The following ETV5 variants were observed in gnomAD, a reference collection of about 807,000 sequenced individuals.
The protein encoded by ETV5 is ETS translocation variant 5.
ETV5 carries 10 observed loss-of-function variants against 70.0 expected under a neutral mutation model. That is an observed-to-expected ratio of 0.14 (90% confidence interval 0.09 to 0.24). The LOEUF (loss-of-function observed/expected upper bound fraction) is 0.24, where lower values mean the gene tolerates loss of function less well. Ranked by LOEUF, ETV5 falls within the 10% of genes least tolerant of loss-of-function variation. ETV5 has a pLI of 1.00. For synonymous variants in ETV5, 216 were observed against 242.2 expected (o/e 0.89, Z 1.01); for missense variants, 453 against 651.2 (o/e 0.70, Z 3.31).
At chr3:186,056,943 A>G (rs1188451780) in intron 11 of ETV5, 132 bp downstream of exon 11, 6 of 1,014,310 alleles carry the variant, frequency 5.9e-6, no homozygotes, top group Non-Finnish European at 8.5e-6. Context: ...AGCCAAGCCC[A>G]CTGGCCAGGC....
intron 7 of ETV5, among the ~76,000 whole-genome samples, chr3:186,070,927 C>T (rs911865753): frequency 1.3e-5 from 2 of 152,188 alleles, no homozygotes; most frequent in South Asian, 4.1e-4. Flanking sequence ...ACAGAGTGCA[C>T]GTGTAAGGAA....
chr3:186,096,496 C>T (rs1286891050), intron 5 of ETV5, among the ~76,000 whole-genome samples: 1 of 152,066 alleles, frequency 6.6e-6, no homozygotes, highest in Non-Finnish European at 1.5e-5. Context: ...TATCAGCAAC[C>T]TCCTACACAG....
At chr3:186,064,150 A>T (rs1488713372) in intron 9 of ETV5, 1 of 474,354 alleles carries the variant, frequency 2.1e-6, no homozygotes, top group African/African-American at 1.9e-5. Context: ...TGAAAATGGC[A>T]GCCCTCACAG....
intron 1 of ETV5, among the ~76,000 whole-genome samples, chr3:186,107,884 TG>T (rs1714629755): frequency 6.6e-6 from 1 of 151,780 alleles, no homozygotes; most frequent in Non-Finnish European, 1.5e-5. Context: ...TCCCCATTCA[TG>T]AAAACTCCTT....
intron 7 of ETV5, among the ~76,000 whole-genome samples, chr3:186,068,080 G>A (rs1318147524): frequency 6.6e-6 from 1 of 152,228 alleles, no homozygotes; most frequent in Non-Finnish European, 1.5e-5. Context: ...TAGCTTGGAA[G>A]ATGAGCAGGC....
At chr3:186,078,382 G>C (rs2150148745) in intron 7 of ETV5, among the ~76,000 whole-genome samples, 1 of 152,210 alleles carries the variant, frequency 6.6e-6, no homozygotes, top group Admixed American at 6.5e-5. Context: ...AAATCAGCAA[G>C]ATGCTGTTTA....
At chr3:186,075,921 G>T (rs568819834) in intron 7 of ETV5, among the ~76,000 whole-genome samples, 1 of 152,274 alleles carries the variant, frequency 6.6e-6, no homozygotes, top group East Asian at 1.9e-4. Context: ...GAATTGCAGG[G>T]CTTTCCTCAA....
chr3:186,056,642 A>C (rs1333243467), intron 11 of ETV5, among the ~76,000 whole-genome samples: 1 of 152,234 alleles, frequency 6.6e-6, no homozygotes, highest in Non-Finnish European at 1.5e-5. Context: ...TGAAATACAC[A>C]GTGGGTAGTT....
In ETV5 at chr3:186,081,132, C is replaced by T; in HGVS notation, c.276G>A (p.Leu92=). 1 of 1,613,522 alleles carries T rather than the reference C, an allele frequency of 6.2e-7. No homozygotes were observed. The highest frequency in any genetic ancestry group is 8.5e-7 in the Non-Finnish European group (1 of 1,179,642). The change falls in exon 6 of 13, where the codon CTG becomes CTA. Residue 92 remains leucine (L), a synonymous_variant. Coordinates refer to ENST00000306376, the MANE Select transcript of ETV5 (RefSeq NM_004454.3). The part of the protein sequence containing the change: ...APPPTKIKRE[L]HSPSSELSSC... Reference sequence around the variant, plus strand: ...ACGACAGCTCAGAGGAGGGGCTGTGCAGCTCCCGTTTGATCTTGGTTGGAG... The same window carrying T: ...ACGACAGCTCAGAGGAGGGGCTGTGTAGCTCCCGTTTGATCTTGGTTGGAG...
At chr3:186,108,534 T>C in intron 1 of ETV5, 1 of 1,257,814 alleles carries the variant, frequency 8.0e-7, no homozygotes. Flanking sequence ...TCCCGCCCCC[T>C]CCTCCCAACT....
intron 1 of ETV5, among the ~76,000 whole-genome samples, chr3:186,106,574 G>A (rs1213054040): frequency 3.9e-5 from 6 of 152,182 alleles, no homozygotes; most frequent in Non-Finnish European, 8.8e-5. Flanking sequence ...GTTACTTACA[G>A]AGATATTTGT....
In ETV5 at chr3:186,102,361, A is replaced by G. The variant is rs192099593; in HGVS notation, c.232+2944T>C. Reference sequence around the variant, plus strand: ...AGAATATTTGTTACAGGCCGGGCACAGTGGCTCACGCCTGTAATTCCAGCA... The same window carrying G: ...AGAATATTTGTTACAGGCCGGGCACGGTGGCTCACGCCTGTAATTCCAGCA... On this transcript the variant is annotated intron_variant, in intron 5 of 12. Transcript: ENST00000306376. Among the ~76,000 whole-genome samples the G allele has an allele frequency of 2.8e-3, 432 of 152,300 alleles. 5 individuals are homozygous for G. Among genetic ancestry groups the G allele is most frequent in the African/African-American group, 9.8e-3 (408 of 41,580 alleles).
chr3:186,062,188 A>C (rs1261034679), intron 9 of ETV5, among the ~76,000 whole-genome samples: 1 of 152,230 alleles, frequency 6.6e-6, no homozygotes, highest in Non-Finnish European at 1.5e-5. Context: ...ATCATAGTGT[A>C]ATGTTGGGTG....
At chr3:186,078,447 T>C (rs572575746) in intron 7 of ETV5, among the ~76,000 whole-genome samples, 9 of 152,250 alleles carry the variant, frequency 5.9e-5, no homozygotes, top group African/African-American at 1.7e-4. Flanking sequence ...AGTTCACAAA[T>C]TGGCAGGCCT....
At chr3:186,077,210 T>C (rs560824861) in intron 7 of ETV5, among the ~76,000 whole-genome samples, 1 of 152,358 alleles carries the variant, frequency 6.6e-6, no homozygotes, top group Admixed American at 6.5e-5. Context: ...AAATACCATA[T>C]ATTTGTATTA....
intron 12 of ETV5, 26 bp from the exon 13 acceptor site, chr3:186,048,886 G>C (rs997484328): frequency 1.0e-5 from 16 of 1,591,502 alleles, no homozygotes; most frequent in Non-Finnish European, 1.3e-5. Context: ...CACCTTACAG[G>C]GCCCAGTTGG....
At chr3:186,108,408 G>C (rs760881343) in intron 1 of ETV5, 4 of 828,820 alleles carry the variant, frequency 4.8e-6, no homozygotes, top group Non-Finnish European at 7.1e-6. Context: ...AAACTTGCAA[G>C]GCCTGCGTAA....
At chr3:186,067,557 A>G (rs953985227) in intron 7 of ETV5, among the ~76,000 whole-genome samples, 1 of 152,130 alleles carries the variant, frequency 6.6e-6, no homozygotes, top group East Asian at 1.9e-4. Context: ...GGTTGCAGTG[A>G]GCCGAGATTG....
chr3:186,107,032 G>C, intron 1 of ETV5: 1 of 775,050 alleles, frequency 1.3e-6, no homozygotes, highest in East Asian at 1.3e-4. Context: ...TTTTCCCCCG[G>C]TGAGCAATTC....
Sources: gnomAD v4.1 joint callset for allele counts (sites outside exome capture counted in the v4.1 genomes callset) on GRCh38, gnomAD v4.1.1 for gene constraint, MANE v1.5 for transcripts, NCBI Gene and HGNC (gene_info 2026-07-23, HGNC 2026-07-21) for gene names.